NRXN3: variants seen among roughly 807,000 people sequenced by gnomAD.
NRXN3 encodes neurexin 3, also known as neurexin III.
NRXN3 carries 32 observed loss-of-function variants against 137.6 expected under a neutral mutation model. That is an observed-to-expected ratio of 0.23 (90% CI 0.18 to 0.31). The LOEUF is 0.31. Among genes scored for constraint, NRXN3 ranks in the 10% least tolerant of loss-of-function variants. The pLI, the probability that NRXN3 is intolerant of heterozygous loss-of-function variation, is 1.00. For synonymous variants in NRXN3, 798 were observed against 784.5 expected (o/e 1.02, Z -0.29); for missense variants, 1,574 against 2,062.5 (o/e 0.76, Z 4.59).
At chr14:79,046,912 C>A (rs2099633934) in intron 15 of NRXN3, among the ~76,000 whole-genome samples, 1 of 152,114 alleles carries the variant, frequency 6.6e-6, no homozygotes, top group Non-Finnish European at 1.5e-5. Flanking sequence ...CTGGAGTCTG[C>A]CTGTAAGGGT....
At chr14:78,480,410 T>C (rs1162337642) in intron 4 of NRXN3, among the ~76,000 whole-genome samples, 1 of 152,152 alleles carries the variant, frequency 6.6e-6, no homozygotes, top group Non-Finnish European at 1.5e-5. Context: ...AAAAGTTAGA[T>C]TCCCAAGTCA....
Position 79,637,729 on chromosome 14 carries a change from C to CTTTTTTTT in NRXN3, c.3445-26038_3445-26031dup, listed in dbSNP as rs554654576. Among the ~76,000 whole-genome samples the CTTTTTTTT allele has an allele frequency of 4.4e-4, 42 of 95,600 alleles. 10 individuals carry two copies. Among genetic ancestry groups the CTTTTTTTT allele is most frequent in the African/African-American group, 1.8e-3 (34 of 18,394 alleles). The allele number at this position is 95,600 out of a possible 152,430, so 62.7% of individuals were successfully genotyped here. On this transcript the variant is annotated intron_variant, in intron 16 of 20. Coordinates refer to ENST00000335750, the MANE Select transcript of NRXN3 (RefSeq NM_001330195.2). ...AACTGATGTAAGATATAGAAAAGTTCTTTTTTTTTTTTTTTTTTGAGATGG... is the reference window on the plus strand; with the variant it reads ...AACTGATGTAAGATATAGAAAAGTTCTTTTTTTTTTTTTTTTTTTTTTTTTTGAGATGG...
At chr14:78,990,323 A>T (rs971949736) in intron 15 of NRXN3, among the ~76,000 whole-genome samples, 1 of 150,252 alleles carries the variant, frequency 6.7e-6, no homozygotes, top group Non-Finnish European at 1.5e-5. Flanking sequence ...GTGATTGGAT[A>T]GATACATAGA....
intron 15 of NRXN3, among the ~76,000 whole-genome samples, chr14:79,358,599 GAA>G (rs1174731304): frequency 9.5e-5 from 9 of 94,986 alleles, no homozygotes; most frequent in South Asian, 9.2e-4. Flanking sequence ...AAGAAAGAAA[GAA>G]AGAAAGAGAA....
intron 8 of NRXN3, among the ~76,000 whole-genome samples, chr14:78,720,339 A>G (rs939016235): frequency 6.6e-6 from 1 of 152,174 alleles, no homozygotes; most frequent in Non-Finnish European, 1.5e-5. Flanking sequence ...CTTAATACAT[A>G]GCTACTTAAT....
chr14:78,483,038 T>A (rs1203821765), intron 4 of NRXN3, among the ~76,000 whole-genome samples: 1 of 152,232 alleles, frequency 6.6e-6, no homozygotes, highest in African/African-American at 2.4e-5. Context: ...ATTGTTTTTT[T>A]AAATTTTTGA....
At chr14:79,732,760 C>T (rs765177091) in intron 19 of NRXN3, among the ~76,000 whole-genome samples, 17 of 152,078 alleles carry the variant, frequency 1.1e-4, no homozygotes, top group South Asian at 4.1e-4. Context: ...TTGCCTCCAT[C>T]TTATATATGA....
chr14:78,221,760 A>G (rs1882820), intron 1 of NRXN3, among the ~76,000 whole-genome samples: 112,095 of 152,010 alleles, frequency 0.74, 41,594 homozygotes, highest in African/African-American at 0.81. Flanking sequence ...GACCTGTTGG[A>G]ACTGGTGGGC....
At chr14:78,386,930 C>T (rs943395207) in intron 4 of NRXN3, among the ~76,000 whole-genome samples, 15 of 152,158 alleles carry the variant, frequency 9.9e-5, no homozygotes, top group Admixed American at 5.2e-4. Context: ...CAGGCATGCA[C>T]CACCATGCAT....
intron 15 of NRXN3, among the ~76,000 whole-genome samples, chr14:79,253,527 A>C (rs183263545): frequency 1.6e-3 from 246 of 152,300 alleles, no homozygotes; most frequent in African/African-American, 5.0e-3. Context: ...TTCTTCTTAT[A>C]TTGCTACTCT....
intron 15 of NRXN3, among the ~76,000 whole-genome samples, chr14:79,190,486 G>C (rs755138078): frequency 6.6e-6 from 1 of 152,088 alleles, no homozygotes; most frequent in Non-Finnish European, 1.5e-5. Context: ...TAATGGACAC[G>C]TAGTGGTTGC....
intron 14 of NRXN3, among the ~76,000 whole-genome samples, chr14:78,979,763 G>A (rs1249171727): frequency 6.6e-6 from 1 of 152,280 alleles, no homozygotes; most frequent in South Asian, 2.1e-4. Context: ...GAAGGCAAAC[G>A]AGGAGCAAAG....
chr14:79,750,403 G>A (rs1403781247), intron 19 of NRXN3, among the ~76,000 whole-genome samples: 1 of 152,106 alleles, frequency 6.6e-6, no homozygotes, highest in African/African-American at 2.4e-5. Flanking sequence ...TACCAATGTA[G>A]ACTCTGTTAT....
chr14:79,250,196 A>T (rs150136449), intron 15 of NRXN3, among the ~76,000 whole-genome samples: 157 of 152,330 alleles, frequency 1.0e-3, no homozygotes, highest in African/African-American at 3.7e-3. Flanking sequence ...CTTAGCAAAA[A>T]GTCAGAACTA....
chr14:78,610,898 A>G (rs748333887), intron 4 of NRXN3, among the ~76,000 whole-genome samples: 4 of 152,216 alleles, frequency 2.6e-5, no homozygotes, highest in Non-Finnish European at 5.9e-5. Flanking sequence ...CCACTGGAAT[A>G]TAGATTGTGT....
At chr14:79,506,628 C>T (rs2096881159) in intron 16 of NRXN3, among the ~76,000 whole-genome samples, 1 of 152,094 alleles carries the variant, frequency 6.6e-6, no homozygotes, top group African/African-American at 2.4e-5. Context: ...CTCCCTTTTC[C>T]TCTACTATTC....
intron 15 of NRXN3, among the ~76,000 whole-genome samples, chr14:79,415,466 T>C (rs552614815): frequency 6.6e-6 from 1 of 152,212 alleles, no homozygotes; most frequent in Admixed American, 6.6e-5. Flanking sequence ...TATGCTTAGG[T>C]TTTATGCAAA....
At chr14:79,271,474 C>T (rs1199020286) in intron 15 of NRXN3, among the ~76,000 whole-genome samples, 1 of 140,898 alleles carries the variant, frequency 7.1e-6, no homozygotes, top group Non-Finnish European at 1.5e-5. Flanking sequence ...CCTCCCACCC[C>T]TTACCTTCCC....
intron 15 of NRXN3, among the ~76,000 whole-genome samples, chr14:79,380,053 T>C (rs1027538138): frequency 4.6e-5 from 7 of 151,792 alleles, no homozygotes; most frequent in African/African-American, 1.5e-4. Context: ...CAACAGTGTT[T>C]TTCCAACAAA....
Sources: allele counts gnomAD v4.1 joint callset (sites outside exome capture counted in the v4.1 genomes callset), GRCh38; gene constraint gnomAD v4.1.1; transcripts MANE v1.5; gene names NCBI Gene and HGNC (gene_info 2026-07-23, HGNC 2026-07-21).